Variants in DTWD2 observed in about 807,000 individuals in gnomAD.
The protein encoded by DTWD2 is DTW motif tRNA-uridine aminocarboxypropyltransferase 2, also known as tRNA-uridine aminocarboxypropyltransferase 2.
A neutral mutation model predicts 31.8 loss-of-function variants in DTWD2; 39 were observed. The ratio of observed to expected loss-of-function variants is 1.22; its 90% confidence interval spans 0.95 to 1.60. DTWD2 has a LOEUF of 1.60. Ranked by LOEUF, DTWD2 falls within the 40% of genes most tolerant of loss-of-function variation. DTWD2 has a pLI of 0.00. For synonymous variants in DTWD2, 180 were observed against 142.8 expected (o/e 1.26, Z -1.86); for missense variants, 515 against 381.5 (o/e 1.35, Z -2.92).
chr5:118,960,550 C>T (rs1313970293), intron 1 of DTWD2, among the ~76,000 whole-genome samples: 1 of 152,186 alleles, frequency 6.6e-6, no homozygotes, highest in Non-Finnish European at 1.5e-5. Flanking sequence ...ACAGAATTAA[C>T]ATTCCATCCA....
At chr5:118,841,725 C>G (rs1185330116) in intron 5 of DTWD2, among the ~76,000 whole-genome samples, 2 of 151,906 alleles carry the variant, frequency 1.3e-5, no homozygotes, top group African/African-American at 2.4e-5. Flanking sequence ...ATAGTGGCGG[C>G]TGTAATACAA....
chr5:118,941,211 T>C (rs1754190719), intron 2 of DTWD2, among the ~76,000 whole-genome samples: 2 of 152,146 alleles, frequency 1.3e-5, no homozygotes, highest in Non-Finnish European at 1.5e-5. Flanking sequence ...AGTTCTAGGG[T>C]ACATGTGCAC....
At chr5:118,850,150 C>G (rs1235605123) in intron 4 of DTWD2, among the ~76,000 whole-genome samples, 1 of 151,676 alleles carries the variant, frequency 6.6e-6, no homozygotes, top group East Asian at 1.9e-4. Context: ...TGGATCTCTA[C>G]ATATCACCAT....
At chr5:118,846,999 G>A (rs774470935) in intron 5 of DTWD2, among the ~76,000 whole-genome samples, 1 of 146,484 alleles carries the variant, frequency 6.8e-6, no homozygotes, top group Non-Finnish European at 1.5e-5. Flanking sequence ...TTCAAAAGAA[G>A]AAAAGTCTCC....
At chr5:118,899,610 G>A (rs1221792322) in intron 4 of DTWD2, among the ~76,000 whole-genome samples, 1 of 151,990 alleles carries the variant, frequency 6.6e-6, no homozygotes, top group Non-Finnish European at 1.5e-5. Context: ...AAACACACTT[G>A]TGTAACTAGT....
intron 1 of DTWD2, among the ~76,000 whole-genome samples, chr5:118,964,491 C>A (rs1754782606): frequency 1.3e-5 from 2 of 152,316 alleles, no homozygotes; most frequent in South Asian, 4.1e-4. Context: ...TGATGCCGAG[C>A]CGAAGCTGGA....
intron 2 of DTWD2, 89 bp downstream of exon 2, chr5:118,944,470 A>C: frequency 7.8e-7 from 1 of 1,286,928 alleles, no homozygotes; most frequent in Non-Finnish European, 1.1e-6. Context: ...GAAATGCTAA[A>C]GAGCTGGTAA....
chr5:118,869,559 C>G (rs1403001461), intron 4 of DTWD2, among the ~76,000 whole-genome samples: 1 of 152,108 alleles, frequency 6.6e-6, no homozygotes, highest in East Asian at 1.9e-4. Context: ...AAGAGCTGCT[C>G]TCTTTATAAA....
chr5:118,925,837 TC>T (rs1377584468), intron 4 of DTWD2, among the ~76,000 whole-genome samples: 1 of 148,338 alleles, frequency 6.7e-6, no homozygotes, highest in East Asian at 2.0e-4. Context: ...AAAGCAAGAC[TC>T]CATCTCAAAA....
intron 4 of DTWD2, among the ~76,000 whole-genome samples, chr5:118,927,516 G>A (rs538878236): frequency 1.1e-4 from 17 of 152,116 alleles, no homozygotes; most frequent in African/African-American, 4.1e-4. Flanking sequence ...TTGTGTATGT[G>A]TGTGTGTCTA....
chr5:118,894,998 A>G (rs919251692), intron 4 of DTWD2, among the ~76,000 whole-genome samples: 55 of 152,202 alleles, frequency 3.6e-4, no homozygotes, highest in Non-Finnish European at 6.8e-4. Flanking sequence ...TAGTACTGAA[A>G]GTCCTGGCCA....
intron 4 of DTWD2, among the ~76,000 whole-genome samples, chr5:118,882,258 A>G (rs181881067): frequency 6.6e-6 from 1 of 152,360 alleles, no homozygotes; most frequent in East Asian, 1.9e-4. Context: ...TCTCACATGC[A>G]GGGCAAGTTG....
intron 1 of DTWD2, among the ~76,000 whole-genome samples, chr5:118,976,652 T>A (rs2149601817): frequency 6.6e-6 from 1 of 152,334 alleles, no homozygotes; most frequent in Non-Finnish European, 1.5e-5. Flanking sequence ...AGAAGTCGAA[T>A]CCCTGAATAG....
chr5:118,874,543 C>T (rs7728229), intron 4 of DTWD2, among the ~76,000 whole-genome samples: 50 of 151,996 alleles, frequency 3.3e-4, no homozygotes, highest in African/African-American at 1.2e-3. Context: ...GAAAAACACA[C>T]CATAAGAATT....
At chr5:118,887,361 T>C (rs1561442057) in intron 4 of DTWD2, among the ~76,000 whole-genome samples, 1 of 152,176 alleles carries the variant, frequency 6.6e-6, no homozygotes, top group Non-Finnish European at 1.5e-5. Flanking sequence ...GCACTAAGTT[T>C]GGACATGTGC....
chr5:118,950,087 G>C (rs1014223824), intron 1 of DTWD2, among the ~76,000 whole-genome samples: 22 of 151,920 alleles, frequency 1.4e-4, no homozygotes, highest in Non-Finnish European at 2.9e-5. Context: ...GCGGACGCCT[G>C]TCATCCCAGC....
intron 4 of DTWD2, among the ~76,000 whole-genome samples, chr5:118,897,294 T>C (rs1412826811): frequency 6.6e-6 from 1 of 152,208 alleles, no homozygotes; most frequent in Non-Finnish European, 1.5e-5. Flanking sequence ...AGTACTGAAT[T>C]GTAACATGTG....
At chr5:118,965,654 C>G (rs1017030566) in intron 1 of DTWD2, among the ~76,000 whole-genome samples, 1 of 152,186 alleles carries the variant, frequency 6.6e-6, no homozygotes, top group African/African-American at 2.4e-5. Context: ...CCGGTGCTCT[C>G]TGAAACATGT....
chr5:118,850,181 T>C (rs1751964092), intron 4 of DTWD2, among the ~76,000 whole-genome samples: 1 of 151,362 alleles, frequency 6.6e-6, no homozygotes, highest in African/African-American at 2.4e-5. Context: ...TAATTCAAGA[T>C]GGCCAGGTGG....
Sources: gnomAD v4.1 joint callset for allele counts (sites outside exome capture counted in the v4.1 genomes callset) on GRCh38, gnomAD v4.1.1 for gene constraint, MANE v1.5 for transcripts, NCBI Gene and HGNC (gene_info 2026-07-23, HGNC 2026-07-21) for gene names.